Variants in GPN2 observed in about 807,000 individuals in gnomAD.
GPN2 encodes GPN-loop GTPase 2.
A neutral mutation model predicts 30.1 loss-of-function variants in GPN2; 27 were observed. The observed-to-expected ratio is 0.90, with a 90% confidence interval of 0.66 to 1.24. The LOEUF (loss-of-function observed/expected upper bound fraction) is 1.24. GPN2 is among the 50% of genes most tolerant of loss of function. The pLI, the probability that GPN2 is intolerant of heterozygous loss-of-function variation, is 0.00. For synonymous variants in GPN2, 212 were observed against 174.4 expected, an observed-to-expected ratio of 1.22 and a Z score of -1.70; for missense variants, 406 against 405.4, an observed-to-expected ratio of 1.00 and a Z score of -0.01.
At position 26,889,984 on chromosome 1, in the gene GPN2, C is replaced by A; in HGVS notation, c.113G>T (p.Arg38Leu). Reference sequence around the variant, plus strand: ...GTCCAGGTTCACCACCGCCACGCGCCGGCCCAGCGCGCGCAGGAACTCACT... The same window carrying A: ...GTCCAGGTTCACCACCGCCACGCGCAGGCCCAGCGCGCGCAGGAACTCACT... ...GMSEFLRALG[R>L]RVAVVNLDPA... is the part of the protein sequence containing the mutation. The change falls in exon 1 of 5, where the codon CGG becomes CTG. Residue 38 changes from arginine to leucine, a missense_variant. Arg to Leu is a moderately radical substitution (Grantham distance 102). Coordinates refer to ENST00000374135, the MANE Select transcript of GPN2 (RefSeq NM_018066.4). 1 of 1,602,466 alleles carries A rather than the reference C, an allele frequency of 6.2e-7. No individual in the cohort carries two copies. The highest frequency in any genetic ancestry group is 2.2e-5 in the East Asian group (1 of 44,848).
At chr1:26,884,549 T>G (rs1282394999) in intron 3 of GPN2, among the ~76,000 whole-genome samples, 1 of 152,196 alleles carries the variant, frequency 6.6e-6, no homozygotes, top group Non-Finnish European at 1.5e-5. Context: ...ATCCCTGCCA[T>G]GTAATAAACG....
At chr1:26,887,927 C>T (rs865917407) in intron 2 of GPN2, among the ~76,000 whole-genome samples, 2 of 150,884 alleles carry the variant, frequency 1.3e-5, no homozygotes, top group Non-Finnish European at 1.5e-5. Context: ...GGCGAGATCT[C>T]GGCTCACTAC....
intron 3 of GPN2, among the ~76,000 whole-genome samples, chr1:26,885,306 T>G (rs1382014106): frequency 6.6e-6 from 1 of 152,180 alleles, no homozygotes; most frequent in African/African-American, 2.4e-5. Context: ...GCACAGGGGT[T>G]GGGTACCACT....
At position 26,885,988 on chromosome 1, in the gene GPN2, G is replaced by A. The variant is rs201547465; in HGVS notation, c.714C>T (p.Ile238=). Residue 238 remains isoleucine, a synonymous_variant, in exon 3 of 5, where the codon ATC becomes ATT. Transcript: ENST00000374135. ...LIEDYSLVSF[I]PLNIQDKESI... ...CCCCTAGTACCTGGATGTTGAGAGGGATAAAGGAGACAAGGCTATAGTCTT... is the reference window on the plus strand; with the variant it reads ...CCCCTAGTACCTGGATGTTGAGAGGAATAAAGGAGACAAGGCTATAGTCTT... 5.6e-6 allele frequency: 9 copies of A among 1,612,476 alleles called. No homozygotes were observed. Among genetic ancestry groups the A allele is most frequent in the Non-Finnish European group, 7.6e-6 (9 of 1,178,654 alleles).
intron 4 of GPN2, among the ~76,000 whole-genome samples, chr1:26,882,686 C>A (rs1273699437): frequency 6.6e-6 from 1 of 152,200 alleles, no homozygotes; most frequent in Admixed American, 6.5e-5. Flanking sequence ...ACTTTTCTGT[C>A]CTGCTTCACG....
rs1160182914 is a variant in GPN2 at position 26,876,836 on chromosome 1, A to G, written c.*2841T>C. 1 of 151,808 alleles carries G rather than the reference A, an allele frequency of 6.6e-6. No homozygotes were observed. The highest frequency in any genetic ancestry group is 1.5e-5 in the Non-Finnish European group (1 of 67,968). The allele number at this position is 151,808 out of a possible 1,614,324, so 9.4% of individuals were successfully genotyped here. A position where few individuals can be genotyped will look rare whatever the true frequency, so the allele number is the denominator to read the frequency against. ...TAAAGGCCTTGGATTACTCCCACCC[A>G]TCTCCACTCCATGGGTGCAGAGAAT... On this transcript the variant is annotated 3_prime_UTR_variant, in exon 5 of 5. Coordinates refer to ENST00000374135, the MANE Select transcript of GPN2 (RefSeq NM_018066.4).
chr1:26,884,011 G>C (rs1321176793), intron 4 of GPN2, 149 bp downstream of exon 4: 4 of 594,308 alleles, frequency 6.7e-6, no homozygotes, highest in Non-Finnish European at 1.1e-5. Context: ...CTGCACTCCA[G>C]CCTGGGCGAC....
chr1:26,886,369 C>T, intron 2 of GPN2: 1 of 574,676 alleles, frequency 1.7e-6, no homozygotes, highest in Non-Finnish European at 3.3e-6. Flanking sequence ...TGCTATAAAC[C>T]CCAGTGTCTG....
At position 26,879,775 on chromosome 1, in the gene GPN2, T is replaced by TA. The variant is rs767503436; in HGVS notation, c.861-27dup. ...CTGAGGAAGGGTGCGTCAAGGCTGA[T>TA]AGCATAGGCAGAGGATGGGGAGCTG... is the stretch of plus-strand genomic sequence containing the variant. On this transcript the variant is annotated intron_variant, in intron 4 of 4. Transcript: ENST00000374135. 2,151 of 1,567,600 alleles carry TA rather than the reference T, an allele frequency of 1.4e-3. 5 individuals carry two copies. The highest frequency in any genetic ancestry group is 1.7e-3 in the Non-Finnish European group (1,987 of 1,138,816).
chr1:26,890,073 C>G lies in GPN2; in HGVS notation c.24G>C (p.Thr8=), dbSNP rs2081913479. 3.8e-6 allele frequency: 6 copies of G among 1,559,596 alleles called. No homozygotes were observed. Among genetic ancestry groups the G allele is most frequent in the Admixed American group, 1.8e-5 (1 of 56,318 alleles). MAGAAPT[T]AFGQAVIGPP... ...GGCCGATCACCGCCTGCCCGAAGGC[C>G]GTGGTCGGAGCGGCCCCTGCCATTG... Residue 8 remains threonine, a synonymous_variant, in exon 1 of 5, where the codon ACG becomes ACC. Coordinates refer to ENST00000374135, the MANE Select transcript of GPN2 (RefSeq NM_018066.4).
rs2081851916 is a variant in GPN2 at position 26,878,955 on chromosome 1, A to C, written c.*722T>G. The C allele has an allele frequency of 6.6e-6, 1 of 152,258 alleles. No homozygotes were observed. Among genetic ancestry groups the C allele is most frequent in the African/African-American group, 2.4e-5 (1 of 41,476 alleles). The allele number at this position is 152,258 out of a possible 1,614,324, so 9.4% of individuals were successfully genotyped here. On this transcript the variant is annotated 3_prime_UTR_variant, in exon 5 of 5. Transcript: ENST00000374135. ...AAACTAGTTAACACTTGTCAACAAT[A>C]GAATAAAACCATAAAACAAATACAG...
rs1005109511 is a variant in GPN2, at chr1:26,879,566, C to T, written c.*111G>A. On this transcript the variant is annotated 3_prime_UTR_variant, in exon 5 of 5. Transcript: ENST00000374135. ...CAGAGCTGAATATCCCCTTGCCAGC[C>T]CGCCAGCTCTGGCTGGGAGGACTTG... 1.2e-6 allele frequency: 1 copy of T among 815,816 alleles called. No homozygotes were observed. The highest frequency in any genetic ancestry group is 2.1e-6 in the Non-Finnish European group (1 of 484,438). The allele number at this position is 815,816 out of a possible 1,614,324, so 50.5% of individuals were successfully genotyped here.
At chr1:26,882,347 C>T (rs1287999579) in intron 4 of GPN2, among the ~76,000 whole-genome samples, 1 of 151,782 alleles carries the variant, frequency 6.6e-6, no homozygotes, top group Non-Finnish European at 1.5e-5. Flanking sequence ...GCAACAACAG[C>T]AAAAGAAAGT....
chr1:26,886,797 G>A (rs1318979994), intron 2 of GPN2, among the ~76,000 whole-genome samples: 2 of 149,402 alleles, frequency 1.3e-5, no homozygotes, highest in African/African-American at 4.9e-5. Context: ...CAGCCTGGGC[G>A]ACACAGCAAG....
rs566507487 is a variant in GPN2, at chr1:26,883,794, A to G, written c.860+366T>C. On this transcript the variant is annotated intron_variant, in intron 4 of 4. Transcript: ENST00000374135. ...AGAGCGAAACTCCCTTTCAAAAAAAAAAAAGAAAAAAGAAATTGGGTGGAT... is the reference window on the plus strand; with the variant it reads ...AGAGCGAAACTCCCTTTCAAAAAAAGAAAAGAAAAAAGAAATTGGGTGGAT... Among the ~76,000 whole-genome samples, 3 of 151,934 alleles carry G rather than the reference A, an allele frequency of 2.0e-5. No individual in the cohort carries two copies. The South Asian group carries it at 6.2e-4, about 32-fold the overall frequency.
At chr1:26,884,595 C>T (rs2081881709) in intron 3 of GPN2, among the ~76,000 whole-genome samples, 1 of 152,204 alleles carries the variant, frequency 6.6e-6, no homozygotes, top group African/African-American at 2.4e-5. Flanking sequence ...CTCAACTAAA[C>T]ACCCCTTAGG....
rs754681729 is a variant in GPN2 at position 26,889,135 on chromosome 1, A to G, written c.412-10T>C. The stretch of plus-strand genomic sequence containing the variant: ...GGTGGACGGCAGTCAGCTGGGAGGG[A>G]ATAGACAGGGTGAGAGTGGCCTGGA... On this transcript the variant is annotated splice_polypyrimidine_tract_variant and intron_variant, in intron 1 of 4. Transcript: ENST00000374135. The G allele has an allele frequency of 1.6e-5, 26 of 1,611,734 alleles. No homozygotes were observed. In the South Asian group the frequency reaches 2.6e-4, roughly 16 times the overall value.
In GPN2 at chr1:26,889,681, C is replaced by T. The variant is rs2081909849; in HGVS notation, c.411+5G>A. ...CAAAATGGGCCTCCCCGCCCTGAGACGCACCCTGAGGTCCCACTGCGCCAT... is the reference window on the plus strand; with the variant it reads ...CAAAATGGGCCTCCCCGCCCTGAGATGCACCCTGAGGTCCCACTGCGCCAT... On this transcript the variant is annotated splice_donor_5th_base_variant and intron_variant, in intron 1 of 4. Coordinates refer to ENST00000374135, the MANE Select transcript of GPN2 (RefSeq NM_018066.4). 1 of 1,564,980 alleles carries T rather than the reference C, an allele frequency of 6.4e-7. No homozygotes were observed. Among genetic ancestry groups the T allele is most frequent in the Non-Finnish European group, 8.7e-7 (1 of 1,151,922 alleles).
chr1:26,886,634 C>G (rs532319451), intron 2 of GPN2: 3 of 345,786 alleles, frequency 8.7e-6, no homozygotes, highest in Non-Finnish European at 5.7e-6. Context: ...CTGGCTAACA[C>G]GATGAAACCC....
Sources: gnomAD v4.1 joint callset for allele counts (sites outside exome capture counted in the v4.1 genomes callset) on GRCh38, gnomAD v4.1.1 for gene constraint, MANE v1.5 for transcripts, NCBI Gene and HGNC (gene_info 2026-07-23, HGNC 2026-07-21) for gene names.